Variants in MITF observed in about 807,000 individuals in gnomAD.
MITF encodes melanocyte inducing transcription factor.
A neutral mutation model predicts 60.5 loss-of-function variants in MITF; 17 were observed. That is an observed-to-expected ratio of 0.28 (90% CI 0.19 to 0.42). The LOEUF (loss-of-function observed/expected upper bound fraction) is 0.42. Among genes scored for constraint, MITF ranks in the 10% least tolerant of loss-of-function variants. The probability of loss-of-function intolerance (pLI) is 1.00; values close to 1 mark genes in which losing one functional copy is unlikely to be tolerated. For synonymous variants in MITF, 260 were observed against 248.5 expected, an observed-to-expected ratio of 1.05 and a Z score of -0.43; for missense variants, 622 against 683.5, an observed-to-expected ratio of 0.91 and a Z score of 1.00.
chr3:69,767,763 A>G (rs958318556), intron 1 of MITF, among the ~76,000 whole-genome samples: 1 of 152,100 alleles, frequency 6.6e-6, no homozygotes, highest in Non-Finnish European at 1.5e-5. Flanking sequence ...ATACAGAGGA[A>G]TAGTGCTCTG....
At chr3:69,820,937 C>CTG (rs2063260059) in intron 1 of MITF, among the ~76,000 whole-genome samples, 1 of 151,704 alleles carries the variant, frequency 6.6e-6, no homozygotes. Context: ...GTGTATGTGT[C>CTG]TGTGTGTGTG....
chr3:69,760,482 G>A (rs1391592597), intron 1 of MITF, among the ~76,000 whole-genome samples: 3 of 152,198 alleles, frequency 2.0e-5, no homozygotes, highest in Non-Finnish European at 2.9e-5. Flanking sequence ...GAGTAGCAGC[G>A]TATGGACTGT....
chr3:69,775,888 A>G (rs187604552), intron 1 of MITF, among the ~76,000 whole-genome samples: 173 of 152,348 alleles, frequency 1.1e-3, no homozygotes, highest in African/African-American at 4.0e-3. Flanking sequence ...CTAATTGTTC[A>G]TATCAAAAGA....
intron 1 of MITF, among the ~76,000 whole-genome samples, chr3:69,745,095 G>A (rs1052516949): frequency 6.6e-6 from 1 of 152,100 alleles, no homozygotes; most frequent in Non-Finnish European, 1.5e-5. Flanking sequence ...TTTAAAAACA[G>A]TTAAGACTTA....
At chr3:69,936,979 G>A (rs905529490) in intron 2 of MITF, 1 of 448,092 alleles carries the variant, frequency 2.2e-6, no homozygotes, top group Non-Finnish European at 3.9e-6. Context: ...CTAGTGTGTG[G>A]CTAAACTATC....
chr3:69,934,235 T>C (rs1334415017), intron 2 of MITF, among the ~76,000 whole-genome samples: 1 of 152,176 alleles, frequency 6.6e-6, no homozygotes, highest in African/African-American at 2.4e-5. Flanking sequence ...CACTAAGATA[T>C]TGTTTTCCTT....
chr3:69,764,022 T>G, intron 1 of MITF: 1 of 1,113,030 alleles, frequency 9.0e-7, no homozygotes, highest in Non-Finnish European at 1.2e-6. Flanking sequence ...AATCTTTATA[T>G]CGTATGAAAT....
At chr3:69,743,134 G>A (rs578019397) in intron 1 of MITF, among the ~76,000 whole-genome samples, 1 of 152,242 alleles carries the variant, frequency 6.6e-6, no homozygotes, top group Admixed American at 6.5e-5. Flanking sequence ...ATGCATTGCA[G>A]GATGTCCAGC....
At chr3:69,923,914 G>GTT (rs111300910) in intron 2 of MITF, among the ~76,000 whole-genome samples, 5 of 149,974 alleles carry the variant, frequency 3.3e-5, no homozygotes, top group African/African-American at 9.8e-5. Context: ...GTTTTTGTTT[G>GTT]TTTTTTTTTG....
chr3:69,932,545 C>T (rs2065747046), intron 2 of MITF, among the ~76,000 whole-genome samples: 1 of 152,140 alleles, frequency 6.6e-6, no homozygotes, highest in Admixed American at 6.5e-5. Context: ...ATTTAAGACT[C>T]TTTGGTTTGC....
chr3:69,764,920 C>G (rs2062266503), intron 1 of MITF, among the ~76,000 whole-genome samples: 1 of 152,160 alleles, frequency 6.6e-6, no homozygotes, highest in African/African-American at 2.4e-5. Context: ...CTTGTTTTAA[C>G]AGTGGGAGTC....
intron 1 of MITF, among the ~76,000 whole-genome samples, chr3:69,753,218 G>C (rs1452239928): frequency 6.6e-6 from 1 of 152,228 alleles, no homozygotes; most frequent in African/African-American, 2.4e-5. Context: ...CACTGCTTCA[G>C]AGGGTGCAAG....
At chr3:69,803,369 G>T (rs1384225801) in intron 1 of MITF, among the ~76,000 whole-genome samples, 1 of 152,030 alleles carries the variant, frequency 6.6e-6, no homozygotes, top group Non-Finnish European at 1.5e-5. Context: ...TCATTTCATT[G>T]CAAGTAAAAA....
At chr3:69,908,623 T>C (rs2065152720) in intron 2 of MITF, among the ~76,000 whole-genome samples, 1 of 152,214 alleles carries the variant, frequency 6.6e-6, no homozygotes, top group Non-Finnish European at 1.5e-5. Context: ...CATTCAACCT[T>C]TGATGAACAT....
At chr3:69,824,750 C>T (rs373419666) in intron 1 of MITF, among the ~76,000 whole-genome samples, 4 of 152,312 alleles carry the variant, frequency 2.6e-5, no homozygotes, top group African/African-American at 4.8e-5. Context: ...GCCACAGCCG[C>T]ACCTGGTAGC....
intron 8 of MITF, 102 bp from the exon 9 acceptor site, chr3:69,959,171 A>G: frequency 7.1e-7 from 1 of 1,402,446 alleles, no homozygotes. Flanking sequence ...GAAATAAAAA[A>G]AAATTTTAAA....
intron 1 of MITF, among the ~76,000 whole-genome samples, chr3:69,857,809 T>TA (rs2063945592): frequency 6.6e-6 from 1 of 152,194 alleles, no homozygotes; most frequent in African/African-American, 2.4e-5. Context: ...AGGTGCTCAA[T>TA]AAATATTTGT....
intron 1 of MITF, among the ~76,000 whole-genome samples, chr3:69,858,551 T>C (rs928004978): frequency 1.3e-5 from 2 of 152,264 alleles, no homozygotes; most frequent in Middle Eastern, 3.4e-3. Context: ...AGAAAAAATA[T>C]AAACAAAAAT....
intron 2 of MITF, among the ~76,000 whole-genome samples, chr3:69,922,955 G>A (rs545352044): frequency 1.1e-4 from 16 of 152,308 alleles, no homozygotes; most frequent in South Asian, 2.1e-4. Flanking sequence ...TTGTTGACCC[G>A]TTGCTGGCTT....
Sources: allele counts gnomAD v4.1 joint callset (sites outside exome capture counted in the v4.1 genomes callset), GRCh38; gene constraint gnomAD v4.1.1; transcripts MANE v1.5; gene names NCBI Gene and HGNC (gene_info 2026-07-23, HGNC 2026-07-21).